Variants in EPHA5 observed in about 807,000 individuals in gnomAD.
The protein encoded by EPHA5 is ephrin type-A receptor 5.
A neutral mutation model predicts 105.0 loss-of-function variants in EPHA5; 60 were observed. That is an observed-to-expected ratio of 0.57 (90% confidence interval 0.46 to 0.71). The LOEUF (loss-of-function observed/expected upper bound fraction) is 0.71, where lower values mean the gene tolerates loss of function less well. EPHA5 is among the 30% of genes least tolerant of loss of function. The pLI, the probability that EPHA5 is intolerant of heterozygous loss-of-function variation, is 0.00. For missense variants in EPHA5, 1,218 were observed against 1,274.7 expected, an observed-to-expected ratio of 0.96 and a Z score of 0.68; for synonymous variants, 513 against 449.1, an observed-to-expected ratio of 1.14 and a Z score of -1.80.
intron 1 of EPHA5, among the ~76,000 whole-genome samples, chr4:65,657,963 T>C (rs1371816684): frequency 2.0e-5 from 3 of 151,338 alleles, no homozygotes; most frequent in South Asian, 4.2e-4. Context: ...TTGCTTTCTT[T>C]AGAAAATCAT....
rs1189879028 is a variant in EPHA5 at position 65,574,264 on chromosome 4, A to G, written c.910+27377T>C. ...AAAATCAAAGCTATTCCTCAGCTCC[A>G]GGGCTAGTTGCGATCTGTGTTTGCC... On this transcript the variant is annotated intron_variant, in intron 3 of 16. Transcript: ENST00000613740. 15 of 1,592,854 alleles carry G rather than the reference A, an allele frequency of 9.4e-6. No homozygotes were observed. The African/African-American group carries it at 2.0e-4, about 21-fold the overall frequency.
At chr4:65,602,336 AT>A (rs1743819461) in intron 2 of EPHA5, 32 bp from the exon 3 acceptor site, 1 of 1,132,196 alleles carries the variant, frequency 8.8e-7, no homozygotes, top group Non-Finnish European at 1.2e-6. Context: ...GATAAAAAAA[AT>A]TCAAAAAATA....
chr4:65,619,625 T>C (rs1013727172), intron 2 of EPHA5, among the ~76,000 whole-genome samples: 1 of 152,068 alleles, frequency 6.6e-6, no homozygotes, highest in Non-Finnish European at 1.5e-5. Context: ...CTTTAAACCA[T>C]CTTAACTCAT....
intron 5 of EPHA5, among the ~76,000 whole-genome samples, chr4:65,490,140 T>G (rs902207150): frequency 6.6e-6 from 1 of 152,226 alleles, no homozygotes; most frequent in Non-Finnish European, 1.5e-5. Flanking sequence ...AATGAAAAAA[T>G]TCAATTAAAA....
chr4:65,326,655 T>C (rs978178715), intron 16 of EPHA5, among the ~76,000 whole-genome samples: 1 of 151,296 alleles, frequency 6.6e-6, no homozygotes, highest in Non-Finnish European at 1.5e-5. Flanking sequence ...TTTCCTAAAC[T>C]GAAAACTGTC....
chr4:65,524,189 A>G (rs2149287148), intron 3 of EPHA5, among the ~76,000 whole-genome samples: 1 of 151,944 alleles, frequency 6.6e-6, no homozygotes, highest in African/African-American at 2.4e-5. Flanking sequence ...ACTATAATGT[A>G]AACATGTATG....
At chr4:65,604,651 CTT>C (rs1282570407) in intron 2 of EPHA5, among the ~76,000 whole-genome samples, 5 of 151,428 alleles carry the variant, frequency 3.3e-5, no homozygotes, top group African/African-American at 1.2e-4. Context: ...TGAAATAAAA[CTT>C]TGAATTTTTC....
intron 14 of EPHA5, among the ~76,000 whole-genome samples, chr4:65,343,776 A>G (rs1276223782): frequency 1.3e-5 from 2 of 152,208 alleles, no homozygotes; most frequent in Non-Finnish European, 2.9e-5. Context: ...GATATTTTAG[A>G]ATGATCTTTA....
chr4:65,563,448 G>A (rs2149360847), intron 3 of EPHA5, among the ~76,000 whole-genome samples: 1 of 152,102 alleles, frequency 6.6e-6, no homozygotes, highest in Non-Finnish European at 1.5e-5. Context: ...ATAATTATAT[G>A]GAGTAGTATA....
chr4:65,409,494 C>T (rs1368711260), intron 7 of EPHA5, among the ~76,000 whole-genome samples: 1 of 152,118 alleles, frequency 6.6e-6, no homozygotes, highest in Non-Finnish European at 1.5e-5. Context: ...TGAGAAGTCA[C>T]ATTTTTAACT....
At chr4:65,565,549 A>G (rs896343387) in intron 3 of EPHA5, among the ~76,000 whole-genome samples, 2 of 151,698 alleles carry the variant, frequency 1.3e-5, no homozygotes, top group African/African-American at 4.8e-5. Context: ...TTTGGTAATA[A>G]AATATATTCA....
chr4:65,640,111 C>A (rs1464987033), intron 2 of EPHA5, among the ~76,000 whole-genome samples: 1 of 151,940 alleles, frequency 6.6e-6, no homozygotes, highest in Admixed American at 6.6e-5. Context: ...TTTGTTATTG[C>A]AAACCTGGCA....
chr4:65,348,779 A>ATG lies in EPHA5; in HGVS notation c.2446-578_2446-577dup, dbSNP rs758698685. 8.0e-4 allele frequency among the ~76,000 whole-genome samples: 56 copies of ATG among 69,572 alleles called. 1 individual carries two copies. Among genetic ancestry groups the ATG allele is most frequent in the African/African-American group, 2.5e-3 (52 of 20,582 alleles). 45.6% of individuals were successfully genotyped at this position (69,572 alleles called of 152,430 possible). A position where few individuals can be genotyped will look rare whatever the true frequency, so the allele number is the denominator to read the frequency against. ...TATATGTGTATATATATGTGTGTGC[A>ATG]TGTGTGTGTGTGTGTATATATATAT... On this transcript the variant is annotated intron_variant, in intron 13 of 16. Transcript: ENST00000613740.
chr4:65,586,142 A>G (rs1014483623), intron 3 of EPHA5, among the ~76,000 whole-genome samples: 1 of 151,750 alleles, frequency 6.6e-6, no homozygotes, highest in Admixed American at 6.6e-5. Context: ...GAAAGTATCA[A>G]TAAGTATTAA....
intron 5 of EPHA5, among the ~76,000 whole-genome samples, chr4:65,482,746 T>C (rs1489889701): frequency 6.6e-6 from 1 of 152,058 alleles, no homozygotes; most frequent in African/African-American, 2.4e-5. Flanking sequence ...AAGAGAAACA[T>C]GGTTACTCTT....
chr4:65,579,962 AAT>A (rs1459197091), intron 3 of EPHA5, among the ~76,000 whole-genome samples: 1 of 151,998 alleles, frequency 6.6e-6, no homozygotes, highest in African/African-American at 2.4e-5. Context: ...TGCGAAATTT[AAT>A]AGTCTTTATT....
intron 2 of EPHA5, among the ~76,000 whole-genome samples, chr4:65,621,211 G>A (rs1161892340): frequency 6.6e-6 from 1 of 152,114 alleles, no homozygotes; most frequent in Non-Finnish European, 1.5e-5. Context: ...ACATTGAGAA[G>A]CATCACTTGT....
intron 3 of EPHA5, among the ~76,000 whole-genome samples, chr4:65,526,484 A>C (rs1229944293): frequency 6.6e-6 from 1 of 151,700 alleles, no homozygotes; most frequent in Non-Finnish European, 1.5e-5. Context: ...ATTTCATTGA[A>C]TTATCATGGT....
rs1743807617 is a variant in EPHA5, at chr4:65,602,225, T to C, written c.326A>G (p.Gln109Arg). The change falls in exon 3 of 17, where the codon CAG becomes CGG. Residue 109 changes from glutamine to arginine, a missense_variant. This residue lies in a region of EPHA5 where 233 missense variants were observed against 227.5 expected (regional missense o/e 1.02). Coordinates refer to ENST00000613740, the MANE Select transcript of EPHA5 (RefSeq NM_001281766.3). ...CCAACTGGTCAAAAGCCAGTTATTC[T>C]GATTCTGTTCCATCACTTTGCATAC... ...YQVCKVMEQNQNNWLLTSWIS... is the reference protein window; with the variant it reads ...YQVCKVMEQNRNNWLLTSWIS... 1 of 1,613,418 alleles carries C rather than the reference T, an allele frequency of 6.2e-7. No individual in the cohort carries two copies. Among genetic ancestry groups the C allele is most frequent in the African/African-American group, 1.3e-5 (1 of 75,054 alleles).
Sources: allele counts gnomAD v4.1 joint callset (sites outside exome capture counted in the v4.1 genomes callset), GRCh38; gene constraint gnomAD v4.1.1; regional missense constraint gnomAD v4.1.1; transcripts MANE v1.5; gene names NCBI Gene and HGNC (gene_info 2026-07-23, HGNC 2026-07-21).